KIF16B: variants seen among roughly 807,000 people sequenced by gnomAD.
The protein encoded by KIF16B is kinesin family member 16B.
KIF16B carries 98 observed loss-of-function variants against 156.3 expected under a neutral mutation model. The ratio of observed to expected loss-of-function variants is 0.63; its 90% CI spans 0.53 to 0.74. The LOEUF (loss-of-function observed/expected upper bound fraction) is 0.74, where lower values mean the gene tolerates loss of function less well. Among genes scored for constraint, KIF16B ranks in the 30% least tolerant of loss-of-function variants. The pLI, the probability that KIF16B is intolerant of heterozygous loss-of-function variation, is 0.00. For missense variants in KIF16B, 1,421 were observed against 1,606.5 expected (o/e 0.88, Z 1.97); for synonymous variants, 564 against 583.7 (o/e 0.97, Z 0.49).
At chr20:16,400,235 T>C (rs2065615024) in intron 17 of KIF16B, among the ~76,000 whole-genome samples, 1 of 152,194 alleles carries the variant, frequency 6.6e-6, no homozygotes, top group Admixed American at 6.5e-5. Context: ...CTTTCTATAT[T>C]TTTAAACACC....
At chr20:16,505,406 T>C (rs2068744184) in intron 9 of KIF16B, among the ~76,000 whole-genome samples, 1 of 152,270 alleles carries the variant, frequency 6.6e-6, no homozygotes, top group Non-Finnish European at 1.5e-5. Context: ...TTGGGTTATT[T>C]TGACCTTGTG....
intron 6 of KIF16B, among the ~76,000 whole-genome samples, chr20:16,509,919 GA>G (rs1357074443): frequency 1.3e-5 from 2 of 151,976 alleles, no homozygotes; most frequent in East Asian, 1.9e-4. Flanking sequence ...AGGTTTCCGG[GA>G]AAAAAATTAA....
intron 17 of KIF16B, among the ~76,000 whole-genome samples, chr20:16,384,116 T>C (rs2065170501): frequency 6.6e-6 from 1 of 152,232 alleles, no homozygotes. Context: ...TTGCTACTAG[T>C]GAGCTGCAAG....
At chr20:16,370,787 C>A (rs2064799629) in intron 21 of KIF16B, 151 bp from the exon 22 acceptor site, 2 of 601,720 alleles carry the variant, frequency 3.3e-6, no homozygotes, top group African/African-American at 2.0e-5. Context: ...ATTTACATCC[C>A]CAAGATAAAC....
At chr20:16,299,453 A>G (rs1422625714) in intron 25 of KIF16B, among the ~76,000 whole-genome samples, 1 of 152,198 alleles carries the variant, frequency 6.6e-6, no homozygotes, top group African/African-American at 2.4e-5. Flanking sequence ...AGATGGTTGT[A>G]TTACCCTTTG....
At chr20:16,443,312 A>C (rs949772756) in intron 12 of KIF16B, among the ~76,000 whole-genome samples, 1 of 152,212 alleles carries the variant, frequency 6.6e-6, no homozygotes, top group Non-Finnish European at 1.5e-5. Flanking sequence ...ACTGGTACAG[A>C]AGGGAGTTTC....
At chr20:16,349,918 A>G (rs1418968539) in intron 23 of KIF16B, among the ~76,000 whole-genome samples, 1 of 152,198 alleles carries the variant, frequency 6.6e-6, no homozygotes, top group Non-Finnish European at 1.5e-5. Flanking sequence ...CACACAATGG[A>G]AAGGAGAATG....
At chr20:16,359,152 G>A (rs1362945434) in intron 22 of KIF16B, among the ~76,000 whole-genome samples, 1 of 152,142 alleles carries the variant, frequency 6.6e-6, no homozygotes, top group East Asian at 1.9e-4. Context: ...GGTATTTTAT[G>A]ACTGGTGATA....
chr20:16,336,110 A>G (rs2064031906), intron 23 of KIF16B, 95 bp from the exon 24 acceptor site: 1 of 718,152 alleles, frequency 1.4e-6, no homozygotes, highest in Non-Finnish European at 2.3e-6. Flanking sequence ...AAAAAAAGTG[A>G]TTAGCATGTA....
chr20:16,515,512 G>A lies in KIF16B; in HGVS notation c.348+36C>T, dbSNP rs753949220. 1.1e-5 allele frequency: 12 copies of A among 1,098,092 alleles called. No homozygotes were observed. The South Asian group carries it at 1.4e-4, about 13-fold the overall frequency. 68.0% of individuals were successfully genotyped at this position (1,098,092 alleles called of 1,614,324 possible). On this transcript the variant is annotated intron_variant, in intron 4 of 25. Coordinates refer to ENST00000354981, the MANE Select transcript of KIF16B (RefSeq NM_024704.5). ...TTCTACCAGTCCAGAGAAAGATAAT[G>A]AGAAATTTCCTTCCCACACAGTATA...
At chr20:16,411,626 C>T (rs547385656) in intron 15 of KIF16B, among the ~76,000 whole-genome samples, 14 of 152,072 alleles carry the variant, frequency 9.2e-5, no homozygotes, top group East Asian at 7.8e-4. Context: ...CTTGGACCTG[C>T]GCAGGGTATC....
intron 12 of KIF16B, among the ~76,000 whole-genome samples, chr20:16,451,002 C>A (rs1309755835): frequency 6.6e-6 from 1 of 152,164 alleles, no homozygotes; most frequent in Non-Finnish European, 1.5e-5. Context: ...TCTGTCATAC[C>A]TGCGCGTTTA....
intron 12 of KIF16B, among the ~76,000 whole-genome samples, chr20:16,447,231 C>G (rs2066958296): frequency 6.6e-6 from 1 of 151,946 alleles, no homozygotes; most frequent in African/African-American, 2.4e-5. Flanking sequence ...GGCCTAAAAA[C>G]TCTACTCTTA....
intron 3 of KIF16B, among the ~76,000 whole-genome samples, chr20:16,525,632 T>C (rs551585547): frequency 6.6e-6 from 1 of 152,346 alleles, no homozygotes; most frequent in East Asian, 1.9e-4. Flanking sequence ...ATGAACGTTC[T>C]TTCTTTCTAG....
At chr20:16,466,508 A>G (rs1193196221) in intron 12 of KIF16B, among the ~76,000 whole-genome samples, 1 of 152,168 alleles carries the variant, frequency 6.6e-6, no homozygotes, top group East Asian at 1.9e-4. Context: ...TTGACGGTGA[A>G]TAAGTCTCAC....
intron 1 of KIF16B, among the ~76,000 whole-genome samples, chr20:16,559,895 C>G (rs1328138831): frequency 6.6e-6 from 1 of 152,026 alleles, no homozygotes; most frequent in East Asian, 1.9e-4. Flanking sequence ...AAAGTCTATT[C>G]AGATTTGTAT....
At chr20:16,567,293 A>T (rs577301057) in intron 1 of KIF16B, among the ~76,000 whole-genome samples, 20 of 152,326 alleles carry the variant, frequency 1.3e-4, no homozygotes, top group Admixed American at 1.0e-3. Context: ...CCTAACAGAA[A>T]TTATCTATAT....
chr20:16,297,229 C>T (rs554222317), intron 25 of KIF16B, among the ~76,000 whole-genome samples: 23 of 152,306 alleles, frequency 1.5e-4, no homozygotes, highest in South Asian at 4.1e-4. Flanking sequence ...AGGTCTCTCC[C>T]CATCATTGCT....
At chr20:16,517,606 C>T (rs995027565) in intron 3 of KIF16B, among the ~76,000 whole-genome samples, 2 of 152,102 alleles carry the variant, frequency 1.3e-5, no homozygotes, top group Admixed American at 6.5e-5. Flanking sequence ...CCCACACCCT[C>T]GAAAGCAACA....
Sources: gnomAD v4.1 joint callset for allele counts (sites outside exome capture counted in the v4.1 genomes callset) on GRCh38, gnomAD v4.1.1 for gene constraint, MANE v1.5 for transcripts, NCBI Gene and HGNC (gene_info 2026-07-23, HGNC 2026-07-21) for gene names.